Variants in ESF1 observed in about 807,000 individuals in gnomAD.
ESF1 encodes ESF1 nucleolar pre-rRNA processing protein, also known as ESF1 homolog.
Under a neutral mutation model 92.0 loss-of-function variants are expected in ESF1, and 58 were observed. The observed-to-expected ratio is 0.63, with a 90% CI of 0.51 to 0.78. The LOEUF (loss-of-function observed/expected upper bound fraction) is 0.78, where lower values mean the gene tolerates loss of function less well. ESF1 is among the 30% of genes least tolerant of loss of function. The pLI is 0.00. For synonymous variants in ESF1, 321 were observed against 313.7 expected, an observed-to-expected ratio of 1.02 and a Z score of -0.24; for missense variants, 922 against 989.1, an observed-to-expected ratio of 0.93 and a Z score of 0.91.
chr20:13,767,847 T>A (rs537264002), intron 7 of ESF1, among the ~76,000 whole-genome samples: 31 of 152,174 alleles, frequency 2.0e-4, no homozygotes, highest in Non-Finnish European at 3.2e-4. Context: ...ATAGGGTAGA[T>A]CCACATCCAT....
chr20:13,775,124 A>G, intron 4 of ESF1, 33 bp downstream of exon 4: 1 of 1,433,250 alleles, frequency 7.0e-7, no homozygotes, highest in Non-Finnish European at 9.5e-7. Context: ...AAATGCCTAG[A>G]AATATTTATT....
chr20:13,718,746 T>C (rs2049847517), intron 12 of ESF1, among the ~76,000 whole-genome samples, 162 bp downstream of exon 12: 1 of 136,892 alleles, frequency 7.3e-6, no homozygotes. Flanking sequence ...AACACTGTAT[T>C]TAGAAACTAC....
chr20:13,748,413 T>TATATATACATATACACAC (rs1978379622), intron 9 of ESF1, among the ~76,000 whole-genome samples: 2 of 149,756 alleles, frequency 1.3e-5, no homozygotes, highest in Non-Finnish European at 3.0e-5. Flanking sequence ...TATATACACA[T>TATATATACATATACACAC]ATATATACAT....
At chr20:13,774,462 T>C (rs1401223759) in intron 4 of ESF1, among the ~76,000 whole-genome samples, 1 of 152,156 alleles carries the variant, frequency 6.6e-6, no homozygotes, top group Non-Finnish European at 1.5e-5. Flanking sequence ...CAATCTCTAA[T>C]AATGATTGAG....
At chr20:13,783,439 G>T (rs2147456016) in intron 1 of ESF1, among the ~76,000 whole-genome samples, 1 of 152,242 alleles carries the variant, frequency 6.6e-6, no homozygotes, top group East Asian at 1.9e-4. Context: ...AGAATCCCAG[G>T]GCTTTATGGA....
In ESF1 at chr20:13,715,124, T is replaced by C; in HGVS notation, c.2306A>G (p.His769Arg). The C allele has an allele frequency of 6.2e-7, 1 of 1,612,924 alleles. No homozygotes were observed. The highest frequency in any genetic ancestry group is 1.1e-5 in the South Asian group (1 of 90,894). Reference protein sequence around the residue: ...DARFQAMYTSHLFNLDPSDPN... With the variant: ...DARFQAMYTSRLFNLDPSDPN... ...ATCTGAGGGGTCCAAATTGAACAAG[T>C]GGGAAGTGTACATTGCCTGAAACCG... The change falls in exon 14 of 14, where the codon CAC becomes CGC. Residue 769 changes from histidine to arginine, a missense_variant. Physicochemically the swap from His to Arg is conservative, Grantham distance 29. Coordinates refer to ENST00000617257, the MANE Select transcript of ESF1 (RefSeq NM_001276380.2).
At chr20:13,748,069 T>C (rs1227569239) in intron 9 of ESF1, among the ~76,000 whole-genome samples, 5 of 152,230 alleles carry the variant, frequency 3.3e-5, no homozygotes, top group African/African-American at 1.2e-4. Context: ...ACTATAACTC[T>C]TATGGGACCA....
intron 10 of ESF1, among the ~76,000 whole-genome samples, chr20:13,732,236 C>T (rs1015036822): frequency 2.3e-4 from 35 of 152,098 alleles, no homozygotes; most frequent in Non-Finnish European, 4.9e-4. Flanking sequence ...GTCACCCAGC[C>T]GGTGTCCACT....
intron 2 of ESF1, among the ~76,000 whole-genome samples, chr20:13,779,081 C>T (rs1326994762): frequency 6.6e-6 from 1 of 152,096 alleles, no homozygotes; most frequent in Non-Finnish European, 1.5e-5. Context: ...AAAGTATCTG[C>T]TTAGAGCCCA....
At chr20:13,723,473 C>T (rs2049881466) in intron 11 of ESF1, among the ~76,000 whole-genome samples, 1 of 99,044 alleles carries the variant, frequency 1.0e-5, no homozygotes. Flanking sequence ...TATTTCATTT[C>T]ATTTTCAGCT....
intron 11 of ESF1, among the ~76,000 whole-genome samples, chr20:13,720,224 G>A (rs1239386544): frequency 1.3e-5 from 2 of 152,020 alleles, no homozygotes; most frequent in Admixed American, 1.3e-4. Context: ...ACTCGATGAA[G>A]AGAAACACCC....
At chr20:13,783,230 T>C (rs745439870) in intron 1 of ESF1, 47 bp from the exon 2 acceptor site, 882 of 1,273,176 alleles carry the variant, frequency 6.9e-4, no homozygotes, top group Non-Finnish European at 8.6e-4. Flanking sequence ...GTTAGTACAA[T>C]AATTAAATGT....
chr20:13,765,243 A>G (rs969451381), intron 8 of ESF1, among the ~76,000 whole-genome samples: 1 of 152,192 alleles, frequency 6.6e-6, no homozygotes, highest in Admixed American at 6.5e-5. Context: ...AACAACTTGA[A>G]TAAAGATAAA....
chr20:13,719,694 A>G (rs995452596), intron 11 of ESF1, among the ~76,000 whole-genome samples: 6 of 152,134 alleles, frequency 3.9e-5, no homozygotes, highest in Non-Finnish European at 7.4e-5. Flanking sequence ...ATGAGAAAAT[A>G]CAAGGGAACA....
intron 9 of ESF1, among the ~76,000 whole-genome samples, chr20:13,743,756 A>C (rs982086606): frequency 6.6e-6 from 1 of 152,164 alleles, no homozygotes; most frequent in Non-Finnish European, 1.5e-5. Context: ...AAAAAATAGG[A>C]ATGTTCAGTC....
intron 9 of ESF1, among the ~76,000 whole-genome samples, chr20:13,740,895 C>A (rs1418138253): frequency 6.6e-6 from 1 of 152,092 alleles, no homozygotes; most frequent in Non-Finnish European, 1.5e-5. Context: ...TGTGAGCTCA[C>A]AGTAAAATTG....
chr20:13,756,394 G>A (rs948073138), intron 9 of ESF1, among the ~76,000 whole-genome samples: 11 of 152,274 alleles, frequency 7.2e-5, no homozygotes, highest in Admixed American at 5.9e-4. Flanking sequence ...TCAATTAAAA[G>A]TAAAAAATAT....
intron 9 of ESF1, among the ~76,000 whole-genome samples, chr20:13,756,652 T>C (rs960464046): frequency 6.6e-6 from 1 of 152,160 alleles, no homozygotes; most frequent in African/African-American, 2.4e-5. Context: ...ACATTTGAGG[T>C]TTTGACACTG....
At position 13,728,952 on chromosome 20, in the gene ESF1, T is replaced by C. The variant is rs115039539; in HGVS notation, c.1951-487A>G. Among the ~76,000 whole-genome samples the C allele has an allele frequency of 3.1e-3, 466 of 152,314 alleles. 4 individuals carry two copies. The highest frequency in any genetic ancestry group is 0.011 in the African/African-American group (443 of 41,578). On this transcript the variant is annotated intron_variant, in intron 10 of 13. Coordinates refer to ENST00000617257, the MANE Select transcript of ESF1 (RefSeq NM_001276380.2). Reference sequence around the variant, plus strand: ...AAAACAACTCCCACCTAAGTTATTCTGTTTGTTCAACAAATAATTATAGAG... The same window carrying C: ...AAAACAACTCCCACCTAAGTTATTCCGTTTGTTCAACAAATAATTATAGAG...
Sources: gnomAD v4.1 joint callset for allele counts (sites outside exome capture counted in the v4.1 genomes callset) on GRCh38, gnomAD v4.1.1 for gene constraint, MANE v1.5 for transcripts, NCBI Gene and HGNC (gene_info 2026-07-23, HGNC 2026-07-21) for gene names.